The following GRIN2B variants were observed in gnomAD, a reference collection of about 807,000 sequenced individuals.
GRIN2B encodes glutamate ionotropic receptor NMDA type subunit 2B.
A neutral mutation model predicts 114.5 loss-of-function variants in GRIN2B; 5 were observed. The ratio of observed to expected loss-of-function variants is 0.04; its 90% CI spans 0.02 to 0.09. GRIN2B has a LOEUF of 0.09. GRIN2B is among the 10% of genes least tolerant of loss of function. The pLI is 1.00. For missense variants in GRIN2B, 1,108 were observed against 1,943.5 expected, an observed-to-expected ratio of 0.57 and a Z score of 8.08; for synonymous variants, 787 against 745.1, an observed-to-expected ratio of 1.06 and a Z score of -0.92.
chr12:13,689,515 C>T lies in GRIN2B; in HGVS notation c.1011-13656G>A, dbSNP rs535623359. 3.9e-5 allele frequency among the ~76,000 whole-genome samples: 6 copies of T among 152,222 alleles called. No individual in the cohort carries two copies. The South Asian group carries it at 1.2e-3, about 32-fold the overall frequency. Reference sequence around the variant, plus strand: ...TTACATTTGTCCCTTCTTTTCTACTCCCTAAATGTTTACCCTAGACCAGGC... The same window carrying T: ...TTACATTTGTCCCTTCTTTTCTACTTCCTAAATGTTTACCCTAGACCAGGC... On this transcript the variant is annotated intron_variant, in intron 4 of 13. Coordinates refer to ENST00000609686, the MANE Select transcript of GRIN2B (RefSeq NM_000834.5).
At chr12:13,951,289 G>A (rs1035162652) in intron 2 of GRIN2B, among the ~76,000 whole-genome samples, 2 of 152,042 alleles carry the variant, frequency 1.3e-5, no homozygotes, top group African/African-American at 4.8e-5. Context: ...GACTGACTGA[G>A]GCCAGAAATG....
intron 2 of GRIN2B, among the ~76,000 whole-genome samples, chr12:13,866,643 G>A (rs920157942): frequency 1.3e-4 from 20 of 152,160 alleles, no homozygotes; most frequent in African/African-American, 4.8e-4. Context: ...CTCAGCAGAG[G>A]TGAGCAACAG....
intron 2 of GRIN2B, among the ~76,000 whole-genome samples, chr12:13,879,469 C>T (rs1044442858): frequency 2.0e-5 from 3 of 150,112 alleles, no homozygotes; most frequent in African/African-American, 4.9e-5. Flanking sequence ...AAATATATAA[C>T]GTTAACTTTG....
chr12:13,834,408 C>T (rs1865216708), intron 3 of GRIN2B, among the ~76,000 whole-genome samples: 1 of 151,960 alleles, frequency 6.6e-6, no homozygotes, highest in African/African-American at 2.4e-5. Context: ...GCTCAAGCTC[C>T]AGCAACACAT....
intron 10 of GRIN2B, among the ~76,000 whole-genome samples, chr12:13,574,796 G>GA (rs910604238): frequency 6.6e-6 from 1 of 151,710 alleles, no homozygotes; most frequent in African/African-American, 2.4e-5. Flanking sequence ...TTTGAAAAAG[G>GA]AAAAAAAAGT....
intron 10 of GRIN2B, among the ~76,000 whole-genome samples, chr12:13,572,719 A>C (rs980061904): frequency 6.6e-6 from 1 of 152,178 alleles, no homozygotes; most frequent in Admixed American, 6.5e-5. Flanking sequence ...CCTGAACACA[A>C]AATTTGTTCA....
At chr12:13,684,503 G>T (rs996956950) in intron 4 of GRIN2B, among the ~76,000 whole-genome samples, 1 of 152,144 alleles carries the variant, frequency 6.6e-6, no homozygotes, top group Non-Finnish European at 1.5e-5. Context: ...ACGACTCTTA[G>T]TCACCTCTAC....
chr12:13,654,237 C>G (rs989706990), intron 5 of GRIN2B, among the ~76,000 whole-genome samples: 3 of 152,044 alleles, frequency 2.0e-5, no homozygotes, highest in African/African-American at 7.2e-5. Flanking sequence ...TAATGAGAAG[C>G]TCACTGCAGG....
At chr12:13,930,472 AC>A (rs769789097) in intron 2 of GRIN2B, among the ~76,000 whole-genome samples, 2 of 152,182 alleles carry the variant, frequency 1.3e-5, no homozygotes, top group Admixed American at 6.5e-5. Flanking sequence ...AAATTCACCC[AC>A]GCAACAGCAG....
chr12:13,549,473 CTTAA>C lies in GRIN2B; in HGVS notation c.*13306_*13309del, dbSNP rs1374517051. On this transcript the variant is annotated 3_prime_UTR_variant, in exon 14 of 14. Coordinates refer to ENST00000609686, the MANE Select transcript of GRIN2B (RefSeq NM_000834.5). ...CTAGAATCAGGCTTGTATGTTTGAA[CTTAA>C]TTAGACAGAGGTGCCCAGAAAAGGA... 6.6e-6 allele frequency: 1 copy of C among 152,082 alleles called. No homozygotes were observed. Among genetic ancestry groups the C allele is most frequent in the Admixed American group, 6.5e-5 (1 of 15,272 alleles). 9.4% of individuals were successfully genotyped at this position (152,082 alleles called of 1,614,324 possible).
chr12:13,681,456 A>C (rs1256536998), intron 4 of GRIN2B, among the ~76,000 whole-genome samples: 1 of 152,190 alleles, frequency 6.6e-6, no homozygotes, highest in Non-Finnish European at 1.5e-5. Flanking sequence ...AAAGTGATAA[A>C]AGAACACAGT....
At chr12:13,640,549 T>C (rs1949706048) in intron 5 of GRIN2B, among the ~76,000 whole-genome samples, 1 of 152,204 alleles carries the variant, frequency 6.6e-6, no homozygotes, top group African/African-American at 2.4e-5. Flanking sequence ...TTTGACTGGA[T>C]TCTCCTCATG....
At chr12:13,736,895 C>A (rs1863193145) in intron 4 of GRIN2B, among the ~76,000 whole-genome samples, 1 of 151,708 alleles carries the variant, frequency 6.6e-6, no homozygotes, top group Non-Finnish European at 1.5e-5. Context: ...GTGGTGCGTG[C>A]CTGTAGCGCC....
chr12:13,874,203 C>T (rs10845852), intron 2 of GRIN2B, among the ~76,000 whole-genome samples: 2 of 152,042 alleles, frequency 1.3e-5, no homozygotes, highest in Non-Finnish European at 2.9e-5. Flanking sequence ...TCTCATTCTT[C>T]GTTCAACCAG....
At chr12:13,625,225 A>G (rs1329119368) in intron 5 of GRIN2B, among the ~76,000 whole-genome samples, 1 of 152,240 alleles carries the variant, frequency 6.6e-6, no homozygotes, top group Non-Finnish European at 1.5e-5. Context: ...CTAGCAGCTC[A>G]TATTTTTTTC....
intron 2 of GRIN2B, among the ~76,000 whole-genome samples, chr12:13,939,364 G>A (rs1050971964): frequency 1.3e-5 from 2 of 151,974 alleles, no homozygotes; most frequent in African/African-American, 2.4e-5. Context: ...CAGGTAATGA[G>A]TGAGTTCTCC....
intron 2 of GRIN2B, among the ~76,000 whole-genome samples, chr12:13,979,673 T>C (rs1395032302): frequency 6.6e-6 from 1 of 152,042 alleles, no homozygotes; most frequent in African/African-American, 2.4e-5. Flanking sequence ...CCTGATGCCA[T>C]CCAACATCTT....
At chr12:13,923,102 A>G (rs1210238935) in intron 2 of GRIN2B, among the ~76,000 whole-genome samples, 1 of 151,472 alleles carries the variant, frequency 6.6e-6, no homozygotes, top group African/African-American at 2.4e-5. Context: ...TTTTTTCCTG[A>G]AATTAGGCAA....
At chr12:13,626,804 T>TC (rs368493995) in intron 5 of GRIN2B, among the ~76,000 whole-genome samples, 1,845 of 17,808 alleles carry the variant, frequency 0.1, 60 homozygotes, top group African/African-American at 0.22. Flanking sequence ...TGACTCACTC[T>TC]CCCCCCCTCC....
Sources: allele counts gnomAD v4.1 joint callset (sites outside exome capture counted in the v4.1 genomes callset), GRCh38; gene constraint gnomAD v4.1.1; transcripts MANE v1.5; gene names NCBI Gene and HGNC (gene_info 2026-07-23, HGNC 2026-07-21).